The following IQGAP2 variants were observed in gnomAD, a reference collection of about 807,000 sequenced individuals.
IQGAP2 encodes IQ motif containing GTPase activating protein 2, also known as ras GTPase-activating-like protein IQGAP2.
A neutral mutation model predicts 201.3 loss-of-function variants in IQGAP2; 173 were observed. The ratio of observed to expected loss-of-function variants is 0.86; its 90% CI spans 0.76 to 0.98. The LOEUF (loss-of-function observed/expected upper bound fraction) is 0.98. Ranked by LOEUF, IQGAP2 falls within the 50% of genes least tolerant of loss-of-function variation. The pLI is 0.00. For missense variants in IQGAP2, 1,687 were observed against 1,864.8 expected, an observed-to-expected ratio of 0.90 and a Z score of 1.76; for synonymous variants, 675 against 673.9, an observed-to-expected ratio of 1.00 and a Z score of -0.03.
At chr5:76,483,979 G>A (rs1408639597) in intron 2 of IQGAP2, among the ~76,000 whole-genome samples, 1 of 151,836 alleles carries the variant, frequency 6.6e-6, no homozygotes, top group Admixed American at 6.6e-5. Flanking sequence ...ACTAGGGGAC[G>A]CAATGTGAAT....
chr5:76,404,397 A>G (rs1750683826), intron 1 of IQGAP2: 1 of 905,848 alleles, frequency 1.1e-6, no homozygotes, highest in South Asian at 5.1e-5. Context: ...TCAGAGTCCT[A>G]AACATGTGCC....
chr5:76,429,860 G>GACACACACACAC (rs56031811), intron 1 of IQGAP2, among the ~76,000 whole-genome samples: 1,448 of 144,606 alleles, frequency 0.01, 27 homozygotes, highest in African/African-American at 0.034. Context: ...AGGAGACACA[G>GACACACACACAC]ACACACACAC....
rs547155944 is a variant in IQGAP2 at position 76,644,295 on chromosome 5, C to CTTTTTTTTTTTT, written c.2094+3203_2094+3214dup. Among the ~76,000 whole-genome samples, 357 of 47,722 alleles carry CTTTTTTTTTTTT rather than the reference C, an allele frequency of 7.5e-3. 78 individuals carry two copies. Among genetic ancestry groups the CTTTTTTTTTTTT allele is most frequent in the Non-Finnish European group, 0.013 (299 of 22,980 alleles). 31.3% of individuals were successfully genotyped at this position (47,722 alleles called of 152,430 possible). A position where few individuals can be genotyped will look rare whatever the true frequency, so the allele number is the denominator to read the frequency against. On this transcript the variant is annotated intron_variant, in intron 17 of 35. Transcript: ENST00000274364. ...AATGAGACTGCCATTTTTGTAAATC[C>CTTTTTTTTTTTT]TTTTTTTTTTTTTTTTTTTTTTGAG...
chr5:76,484,573 T>C (rs1012289881), intron 2 of IQGAP2, among the ~76,000 whole-genome samples: 1 of 149,982 alleles, frequency 6.7e-6, no homozygotes, highest in Non-Finnish European at 1.5e-5. Flanking sequence ...TTAAAAAAAA[T>C]TTTTTTTTCT....
intron 3 of IQGAP2, among the ~76,000 whole-genome samples, chr5:76,565,281 C>T (rs976198481): frequency 7.9e-5 from 12 of 152,172 alleles, no homozygotes; most frequent in Non-Finnish European, 1.8e-4. Context: ...ACCATGAATT[C>T]AGTGAACTCG....
At chr5:76,628,608 C>T in intron 14 of IQGAP2, 1 of 403,114 alleles carries the variant, frequency 2.5e-6, no homozygotes, top group Non-Finnish European at 4.9e-6. Context: ...AACCTGCCAA[C>T]TGATGGCATA....
chr5:76,522,451 G>A (rs1187841203), intron 2 of IQGAP2, among the ~76,000 whole-genome samples: 1 of 152,128 alleles, frequency 6.6e-6, no homozygotes, highest in Non-Finnish European at 1.5e-5. Flanking sequence ...CCAAAGTGCT[G>A]GGATTATGGG....
Position 76,510,113 on chromosome 5 carries a change from C to T in IQGAP2, c.146+48444C>T, listed in dbSNP as rs374236493. ...CTCCTGGATTCAAGTTATTCTCCTG[C>T]CTCGGCCTCCTGAGTAGCTGGGATT... On this transcript the variant is annotated intron_variant, in intron 2 of 35. Transcript: ENST00000274364. Among the ~76,000 whole-genome samples, 32 of 151,886 alleles carry T rather than the reference C, an allele frequency of 2.1e-4. No individual in the cohort carries two copies. The South Asian group carries it at 5.8e-3, about 28-fold the overall frequency.
intron 15 of IQGAP2, among the ~76,000 whole-genome samples, chr5:76,635,596 A>G (rs369612562): frequency 6.6e-6 from 1 of 152,170 alleles, no homozygotes; most frequent in African/African-American, 2.4e-5. Flanking sequence ...TAATCCCAGC[A>G]CTTTGGGCGG....
At chr5:76,686,043 A>T (rs1181419592) in intron 30 of IQGAP2, among the ~76,000 whole-genome samples, 1 of 152,170 alleles carries the variant, frequency 6.6e-6, no homozygotes, top group Non-Finnish European at 1.5e-5. Context: ...GTACTTTTCC[A>T]ATGACCAGTA....
chr5:76,562,458 G>A lies in IQGAP2; in HGVS notation c.209G>A (p.Arg70Gln), dbSNP rs369077131. 51 of 1,613,642 alleles carry A rather than the reference G, an allele frequency of 3.2e-5. No individual in the cohort carries two copies. Among genetic ancestry groups the A allele is most frequent in the Middle Eastern group, 1.6e-4 (1 of 6,084 alleles). The part of the protein sequence containing the change: ...PPTTELEEGL[R>Q]NGVYLAKLAK... ...ACCACTGAATTGGAAGAAGGGCTCC[G>A]GAATGGAGTTTACCTTGCAAAGTTA... is the stretch of plus-strand genomic sequence containing the variant. The change falls in exon 3 of 36, where the codon CGG becomes CAG. Residue 70 changes from arginine (R) to glutamine (Q), a missense_variant. By Grantham distance (43) the Arg-to-Gln change is conservative. Transcript: ENST00000274364.
At chr5:76,684,614 G>T (rs1745576072) in intron 30 of IQGAP2, among the ~76,000 whole-genome samples, 1 of 152,186 alleles carries the variant, frequency 6.6e-6, no homozygotes, top group African/African-American at 2.4e-5. Flanking sequence ...ACCCAAGAAT[G>T]CATATCAGTA....
chr5:76,542,557 A>C (rs371596815), intron 2 of IQGAP2, among the ~76,000 whole-genome samples: 3 of 152,262 alleles, frequency 2.0e-5, no homozygotes, highest in East Asian at 1.9e-4. Flanking sequence ...AGGTGATTAG[A>C]TATGACTAAT....
At chr5:76,590,612 C>T (rs922411291) in intron 8 of IQGAP2, 26 bp downstream of exon 8, 21 of 1,562,540 alleles carry the variant, frequency 1.3e-5, no homozygotes, top group Non-Finnish European at 1.7e-5. Flanking sequence ...GTAATAAAAA[C>T]AGTAATGAAT....
chr5:76,601,206 T>C (rs1747407085), intron 11 of IQGAP2, among the ~76,000 whole-genome samples: 1 of 152,228 alleles, frequency 6.6e-6, no homozygotes, highest in South Asian at 2.1e-4. Flanking sequence ...GACTTTGTCG[T>C]TGGCAAAGAT....
intron 2 of IQGAP2, among the ~76,000 whole-genome samples, chr5:76,464,146 C>T (rs6878281): frequency 0.055 from 8,425 of 152,148 alleles, 246 homozygotes; most frequent in South Asian, 0.15. Flanking sequence ...TCACTGTACT[C>T]GGCCAAGACA....
At position 76,681,653 on chromosome 5, in the gene IQGAP2, A is replaced by G. The variant is rs190321469; in HGVS notation, c.3661-1462A>G. 2.6e-3 allele frequency among the ~76,000 whole-genome samples: 394 copies of G among 152,308 alleles called. 1 individual carries two copies. Among genetic ancestry groups the G allele is most frequent in the African/African-American group, 8.8e-3 (368 of 41,582 alleles). On this transcript the variant is annotated intron_variant, in intron 28 of 35. Coordinates refer to ENST00000274364, the MANE Select transcript of IQGAP2 (RefSeq NM_006633.5). ...ATGGAAACAGGATGGTCTTTCCTCA[A>G]AAATTTAAACAGAGAGGCTGGAGTA... is the stretch of plus-strand genomic sequence containing the variant.
chr5:76,661,566 ACT>A (rs1743248971), intron 21 of IQGAP2, among the ~76,000 whole-genome samples: 1 of 152,146 alleles, frequency 6.6e-6, no homozygotes, highest in Non-Finnish European at 1.5e-5. Context: ...TAATTATACT[ACT>A]TCACTGCTTA....
intron 2 of IQGAP2, among the ~76,000 whole-genome samples, chr5:76,483,761 T>A (rs77243076): frequency 6.6e-6 from 1 of 152,290 alleles, no homozygotes; most frequent in Non-Finnish European, 1.5e-5. Context: ...GATTTATAAT[T>A]TTGTTCTCTT....
Sources: gnomAD v4.1 joint callset for allele counts (sites outside exome capture counted in the v4.1 genomes callset) on GRCh38, gnomAD v4.1.1 for gene constraint, MANE v1.5 for transcripts, NCBI Gene and HGNC (gene_info 2026-07-23, HGNC 2026-07-21) for gene names.